RAMP1: variants seen among roughly 807,000 people sequenced by gnomAD.
The protein encoded by RAMP1 is receptor activity-modifying protein 1.
Under a neutral mutation model 8.2 loss-of-function variants are expected in RAMP1, and 7 were observed. The observed-to-expected ratio is 0.85, with a 90% CI of 0.49 to 1.60. RAMP1 has a LOEUF of 1.60. RAMP1 is among the 40% of genes most tolerant of loss of function. The pLI is 0.00. For synonymous variants in RAMP1, 92 were observed against 84.7 expected, an observed-to-expected ratio of 1.09 and a Z score of -0.47; for missense variants, 192 against 202.4, an observed-to-expected ratio of 0.95 and a Z score of 0.31.
chr2:237,908,399 A>G (rs2062673946), intron 2 of RAMP1, among the ~76,000 whole-genome samples: 1 of 75,648 alleles, frequency 1.3e-5, no homozygotes, highest in African/African-American at 3.8e-5. Context: ...TTCCCCAGTG[A>G]GAAGAGACCT....
chr2:237,908,327 A>G (rs911843814), intron 2 of RAMP1, among the ~76,000 whole-genome samples: 6 of 151,816 alleles, frequency 4.0e-5, no homozygotes, highest in African/African-American at 1.2e-4. Context: ...TCACCCCAGC[A>G]TTCCTACCCC....
intron 2 of RAMP1, among the ~76,000 whole-genome samples, chr2:237,893,328 T>C (rs1306658134): frequency 6.6e-6 from 1 of 152,190 alleles, no homozygotes; most frequent in Non-Finnish European, 1.5e-5. Context: ...GGTTTAAACA[T>C]TTTGTGAGAA....
chr2:237,875,658 C>T (rs902498598), intron 1 of RAMP1, among the ~76,000 whole-genome samples: 2 of 152,198 alleles, frequency 1.3e-5, no homozygotes, highest in African/African-American at 4.8e-5. Context: ...TTCAACACAC[C>T]TGGCTCTTTG....
chr2:237,884,341 A>G (rs897356565), intron 2 of RAMP1, among the ~76,000 whole-genome samples: 3 of 152,146 alleles, frequency 2.0e-5, no homozygotes, highest in African/African-American at 7.2e-5. Flanking sequence ...TGGAGCTACA[A>G]TCTAATTTGA....
At chr2:237,885,609 T>C (rs2062420020) in intron 2 of RAMP1, among the ~76,000 whole-genome samples, 1 of 152,218 alleles carries the variant, frequency 6.6e-6, no homozygotes, top group Non-Finnish European at 1.5e-5. Flanking sequence ...CAGATGGCAG[T>C]GCCCAGCACA....
At chr2:237,879,440 T>C (rs1416995028) in intron 2 of RAMP1, among the ~76,000 whole-genome samples, 2 of 151,672 alleles carry the variant, frequency 1.3e-5, no homozygotes, top group Non-Finnish European at 2.9e-5. Context: ...CGAGTGGCCA[T>C]AGCTGGAACT....
chr2:237,875,489 G>A (rs950429406), intron 1 of RAMP1, among the ~76,000 whole-genome samples: 6 of 152,032 alleles, frequency 3.9e-5, no homozygotes, highest in African/African-American at 1.5e-4. Context: ...AGGGGTCGAG[G>A]GTGGGTGACC....
chr2:237,905,463 A>G (rs1245325468), intron 2 of RAMP1, among the ~76,000 whole-genome samples: 1 of 152,228 alleles, frequency 6.6e-6, no homozygotes, highest in African/African-American at 2.4e-5. Context: ...GCCCACCCAC[A>G]CACGGCCCTA....
At chr2:237,866,395 G>C (rs2062187308) in intron 1 of RAMP1, among the ~76,000 whole-genome samples, 1 of 152,104 alleles carries the variant, frequency 6.6e-6, no homozygotes, top group Non-Finnish European at 1.5e-5. Context: ...CTTCAGGCCA[G>C]TCATAAGGTC....
intron 2 of RAMP1, among the ~76,000 whole-genome samples, chr2:237,895,350 G>A (rs1019456598): frequency 1.3e-5 from 2 of 152,176 alleles, no homozygotes; most frequent in Non-Finnish European, 2.9e-5. Context: ...TCACCACGCT[G>A]CTGCTGTGAG....
Position 237,911,508 on chromosome 2 carries a change from ACCT to A in RAMP1, c.192-15_192-13del. The A allele has an allele frequency of 1.9e-6, 3 of 1,612,382 alleles. No homozygotes were observed. Among genetic ancestry groups the A allele is most frequent in the South Asian group, 2.2e-5 (2 of 91,034 alleles). ...TCCCCCGCCTGCCCAGGGTCTTACC[ACCT>A]CCTCTTCCATCCGCAGGAGCTACAG... On this transcript the variant is annotated splice_polypyrimidine_tract_variant and intron_variant, in intron 2 of 2. Transcript: ENST00000254661.
rs143216500 is a variant in RAMP1, at chr2:237,881,332, CA to C, written c.191+3971del. On this transcript the variant is annotated intron_variant, in intron 2 of 2. Coordinates refer to ENST00000254661, the MANE Select transcript of RAMP1 (RefSeq NM_005855.4). ...TCAGCCAGGGCAGAAGCCAAGCGAG[CA>C]GAGGCACTTAGGTTGTGGCCAGTAT... Among the ~76,000 whole-genome samples, 248 of 152,366 alleles carry C rather than the reference CA, an allele frequency of 1.6e-3. 1 individual carries two copies. The highest frequency in any genetic ancestry group is 5.6e-3 in the African/African-American group (233 of 41,592).
rs898451693 is a variant in RAMP1 at position 237,898,928 on chromosome 2, G to A, written c.192-12600G>A. 2.0e-5 allele frequency among the ~76,000 whole-genome samples: 3 copies of A among 152,252 alleles called. No homozygotes were observed. The South Asian group carries it at 6.2e-4, about 31-fold the overall frequency. On this transcript the variant is annotated intron_variant, in intron 2 of 2. Transcript: ENST00000254661. ...CCGCTATTCACAGAATCCTGGGTGT[G>A]AGCCCTGACACCAAAGGCAGAAACC...
At chr2:237,861,527 G>A (rs2062132625) in intron 1 of RAMP1, among the ~76,000 whole-genome samples, 1 of 152,096 alleles carries the variant, frequency 6.6e-6, no homozygotes, top group Non-Finnish European at 1.5e-5. Flanking sequence ...TTACAATCAA[G>A]CTATTTGTCT....
At chr2:237,860,894 G>A (rs1379917414) in intron 1 of RAMP1, among the ~76,000 whole-genome samples, 2 of 146,360 alleles carry the variant, frequency 1.4e-5, no homozygotes, top group Admixed American at 6.6e-5. Context: ...TGGCAGATCT[G>A]CATAGAATCC....
intron 1 of RAMP1, among the ~76,000 whole-genome samples, chr2:237,875,436 G>T (rs532614272): frequency 6.7e-6 from 1 of 149,550 alleles, no homozygotes; most frequent in South Asian, 2.1e-4. Context: ...GGCAGATGCA[G>T]CTCCCTCTGT....
At chr2:237,863,877 G>T (rs920838421) in intron 1 of RAMP1, among the ~76,000 whole-genome samples, 1 of 151,822 alleles carries the variant, frequency 6.6e-6, no homozygotes, top group Admixed American at 6.6e-5. Flanking sequence ...AAAACCCCAG[G>T]CCCCGGCTGT....
At chr2:237,902,624 C>G (rs958425275) in intron 2 of RAMP1, among the ~76,000 whole-genome samples, 1 of 152,056 alleles carries the variant, frequency 6.6e-6, no homozygotes, top group African/African-American at 2.4e-5. Flanking sequence ...ACTGGAGAGG[C>G]CCAACGCCCC....
intron 2 of RAMP1, among the ~76,000 whole-genome samples, chr2:237,891,476 T>C (rs904092343): frequency 6.6e-6 from 1 of 152,240 alleles, no homozygotes; most frequent in African/African-American, 2.4e-5. Flanking sequence ...CAGACAGATA[T>C]TGTCTTCTTG....
Sources: gnomAD v4.1 joint callset for allele counts (sites outside exome capture counted in the v4.1 genomes callset) on GRCh38, gnomAD v4.1.1 for gene constraint, MANE v1.5 for transcripts, NCBI Gene and HGNC (gene_info 2026-07-23, HGNC 2026-07-21) for gene names.